HDX: variants seen among roughly 807,000 people sequenced by gnomAD.
HDX encodes chromosome X open reading frame 43.
A neutral mutation model predicts 45.2 loss-of-function variants in HDX; 19 were observed. That is an observed-to-expected ratio of 0.42 (90% CI 0.29 to 0.62). HDX has a LOEUF of 0.62. Among genes scored for constraint, HDX ranks in the 20% least tolerant of loss-of-function variants. The pLI is 0.20. For missense variants in HDX, 532 were observed against 493.9 expected (o/e 1.08, Z -0.73); for synonymous variants, 188 against 172.8 (o/e 1.09, Z -0.69).
chrX:84,491,945 C>G (rs1480446663), intron 1 of HDX, among the ~76,000 whole-genome samples: 1 of 111,547 alleles, frequency 9.0e-6, no homozygotes, highest in African/African-American at 3.3e-5. Flanking sequence ...CACACTTGAG[C>G]TGATCATTAT....
intron 4 of HDX, among the ~76,000 whole-genome samples, chrX:84,450,071 G>A (rs746139418): frequency 1.3e-4 from 14 of 107,360 alleles, no homozygotes; most frequent in Middle Eastern, 4.8e-3. Flanking sequence ...AAACCTGCAC[G>A]TTGTGCGCAT....
At chrX:84,348,735 G>C (rs1288534897) in intron 6 of HDX, among the ~76,000 whole-genome samples, 1 of 110,874 alleles carries the variant, frequency 9.0e-6, no homozygotes, top group Non-Finnish European at 1.9e-5. Context: ...GTGCTTATCA[G>C]TTTTTCCTCT....
intron 7 of HDX, among the ~76,000 whole-genome samples, chrX:84,340,684 A>G (rs2037066012): frequency 9.0e-6 from 1 of 111,230 alleles, no homozygotes; most frequent in Non-Finnish European, 1.9e-5. Flanking sequence ...AGAATAGGAC[A>G]TAACTAGTAG....
At chrX:84,387,145 T>G (rs1191673976) in intron 5 of HDX, among the ~76,000 whole-genome samples, 14 of 112,042 alleles carry the variant, frequency 1.2e-4, no homozygotes, top group Non-Finnish European at 2.4e-4. Flanking sequence ...ATTTGTGTAG[T>G]TTCGAGAGAT....
rs923844131 is a variant in HDX at position 84,382,421 on chromosome X, T to C, written c.1306-20809A>G. ...CCATGTTTGTTTCAGCAGTTTACAATAGCCAAAATTTGGAAGCAACCTAAG... is the reference window on the plus strand; with the variant it reads ...CCATGTTTGTTTCAGCAGTTTACAACAGCCAAAATTTGGAAGCAACCTAAG... On this transcript the variant is annotated intron_variant, in intron 5 of 10. Transcript: ENST00000373177. Among the ~76,000 whole-genome samples, 4 of 111,863 alleles carry C rather than the reference T, an allele frequency of 3.6e-5. No homozygotes were observed. The Admixed American group carries it at 3.8e-4, about 11-fold the overall frequency.
chrX:84,417,184 A>G (rs1057079147), intron 5 of HDX, among the ~76,000 whole-genome samples: 16 of 102,610 alleles, frequency 1.6e-4, no homozygotes, highest in Non-Finnish European at 2.8e-4. Context: ...GAAAGAAAGA[A>G]AGAGAGAGAA....
intron 3 of HDX, among the ~76,000 whole-genome samples, chrX:84,473,299 TAAAG>T (rs1409940131): frequency 1.1e-5 from 1 of 92,930 alleles, no homozygotes; most frequent in African/African-American, 4.1e-5. Flanking sequence ...TTAGTAAAAA[TAAAG>T]AAAGAGCTCT....
At chrX:84,348,331 G>T (rs751179071) in intron 6 of HDX, among the ~76,000 whole-genome samples, 1 of 111,043 alleles carries the variant, frequency 9.0e-6, no homozygotes, top group Admixed American at 9.6e-5. Flanking sequence ...TTCTTAGAAT[G>T]TTCATGCCTC....
intron 7 of HDX, 70 bp downstream of exon 7, chrX:84,344,180 A>C (rs2037147552): frequency 1.2e-6 from 1 of 828,993 alleles, no homozygotes; most frequent in African/African-American, 2.0e-5. Context: ...AATGCAGTAA[A>C]CTGAAAATCA....
intron 1 of HDX, among the ~76,000 whole-genome samples, chrX:84,498,646 A>G (rs2041058663): frequency 8.9e-6 from 1 of 112,273 alleles, no homozygotes; most frequent in South Asian, 3.6e-4. Flanking sequence ...GCAGAAGGAA[A>G]TAAATGTTTT....
intron 1 of HDX, among the ~76,000 whole-genome samples, chrX:84,492,561 G>A (rs1300014593): frequency 2.7e-5 from 3 of 111,589 alleles, no homozygotes; most frequent in Non-Finnish European, 3.8e-5. Context: ...TTCAAATGAT[G>A]TGTCATCTTC....
intron 9 of HDX, among the ~76,000 whole-genome samples, chrX:84,327,109 GTCTGTTAT>G (rs2036730893): frequency 9.0e-6 from 1 of 111,400 alleles, no homozygotes; most frequent in Admixed American, 9.6e-5. Context: ...TTAAGTAGGA[GTCTGTTAT>G]TCCAAGAAAT....
intron 4 of HDX, among the ~76,000 whole-genome samples, chrX:84,452,045 A>C (rs2040009738): frequency 1.8e-5 from 2 of 111,702 alleles, no homozygotes; most frequent in South Asian, 7.5e-4. Flanking sequence ...AAATATGAAA[A>C]CCAACAACTA....
chrX:84,470,702 TG>T (rs2040438011), intron 3 of HDX, among the ~76,000 whole-genome samples: 1 of 111,860 alleles, frequency 8.9e-6, no homozygotes, highest in African/African-American at 3.2e-5. Context: ...CATATTTTAA[TG>T]TAAGTAATTT....
At chrX:84,376,057 A>G (rs2038048718) in intron 5 of HDX, among the ~76,000 whole-genome samples, 2 of 112,010 alleles carry the variant, frequency 1.8e-5, no homozygotes, top group South Asian at 7.4e-4. Context: ...TAATTTAACA[A>G]CTGGAGATTA....
rs1342650154 is a variant in HDX, at chrX:84,468,461, T to G, written c.1251+11A>C. The G allele has an allele frequency of 1.4e-5, 15 of 1,074,584 alleles. No individual in the cohort carries two copies. The highest frequency in any genetic ancestry group is 1.9e-5 in the African/African-American group (1 of 53,275). 88.6% of individuals were successfully genotyped at this position (1,074,584 alleles called of 1,213,427 possible). ...TTTTTAAAACCTTTATAAAATAAAT[T>G]TACACATTACCTGGTAATTGTTTTG... On this transcript the variant is annotated intron_variant, in intron 4 of 10. Transcript: ENST00000373177.
intron 3 of HDX, 91 bp downstream of exon 3, chrX:84,475,160 G>A (rs1449347151): frequency 4.4e-5 from 32 of 724,910 alleles, no homozygotes; most frequent in Non-Finnish European, 5.6e-5. Flanking sequence ...TAAAATTAGT[G>A]ACTTCATACC....
intron 5 of HDX, among the ~76,000 whole-genome samples, chrX:84,391,137 G>A (rs1471433214): frequency 9.0e-6 from 1 of 111,513 alleles, no homozygotes; most frequent in Non-Finnish European, 1.9e-5. Context: ...CCCAGCCTCT[G>A]GCATCTGTCA....
intron 5 of HDX, among the ~76,000 whole-genome samples, chrX:84,395,197 T>A (rs973891006): frequency 1.8e-5 from 2 of 111,315 alleles, no homozygotes; most frequent in Non-Finnish European, 3.8e-5. Context: ...TTCATGATGA[T>A]TGATATCATT....
Sources: allele counts gnomAD v4.1 joint callset (sites outside exome capture counted in the v4.1 genomes callset), GRCh38; gene constraint gnomAD v4.1.1; transcripts MANE v1.5; gene names NCBI Gene and HGNC (gene_info 2026-07-23, HGNC 2026-07-21).